The following FBXL17 variants were observed in gnomAD, a reference collection of about 807,000 sequenced individuals.
FBXL17 encodes F-box/LRR-repeat protein 17.
FBXL17 carries 22 observed loss-of-function variants against 66.2 expected under a neutral mutation model. The observed-to-expected ratio is 0.33, with a 90% CI of 0.24 to 0.47. The LOEUF (loss-of-function observed/expected upper bound fraction) is 0.47, where lower values mean the gene tolerates loss of function less well. FBXL17 is among the 20% of genes least tolerant of loss of function. The pLI is 1.00. For synonymous variants in FBXL17, 474 were observed against 400.5 expected (o/e 1.18, Z -2.19); for missense variants, 878 against 948.2 (o/e 0.93, Z 0.97).
chr5:108,357,666 C>A (rs910394922), intron 3 of FBXL17, among the ~76,000 whole-genome samples: 1 of 151,372 alleles, frequency 6.6e-6, no homozygotes, highest in African/African-American at 2.4e-5. Context: ...AAATAAAAAT[C>A]GATTACAGGA....
In FBXL17 at chr5:108,112,453, G is replaced by C. The variant is rs540340702; in HGVS notation, c.1745+73664C>G. Among the ~76,000 whole-genome samples the C allele has an allele frequency of 5.9e-5, 9 of 152,254 alleles. No homozygotes were observed. In the South Asian group the frequency reaches 1.9e-3, roughly 32 times the overall value. The stretch of plus-strand genomic sequence containing the variant: ...CTGTTCAGGATTTACCCATCAAACT[G>C]TGCCCAAGTAACTTTAATTCTTCCC... On this transcript the variant is annotated intron_variant, in intron 6 of 8. Transcript: ENST00000542267.
intron 6 of FBXL17, among the ~76,000 whole-genome samples, chr5:108,092,096 T>G (rs1749207438): frequency 6.6e-6 from 1 of 152,202 alleles, no homozygotes; most frequent in Admixed American, 6.5e-5. Flanking sequence ...ATACTAAAAC[T>G]TAATGGACTG....
At chr5:108,331,355 T>A (rs772056336) in intron 4 of FBXL17, among the ~76,000 whole-genome samples, 7 of 152,182 alleles carry the variant, frequency 4.6e-5, no homozygotes, top group Non-Finnish European at 1.0e-4. Flanking sequence ...CCATCTGTAG[T>A]GAAAGCAAAT....
intron 1 of FBXL17, among the ~76,000 whole-genome samples, chr5:108,368,342 T>C (rs952165984): frequency 1.3e-5 from 2 of 152,088 alleles, no homozygotes; most frequent in Admixed American, 1.3e-4. Flanking sequence ...CTTGAGATTA[T>C]TCTGAAGTTT....
At chr5:107,901,623 T>C (rs947482099) in intron 7 of FBXL17, among the ~76,000 whole-genome samples, 9 of 152,142 alleles carry the variant, frequency 5.9e-5, no homozygotes, top group Non-Finnish European at 1.2e-4. Flanking sequence ...AATATACTTC[T>C]CCTCCGTAAA....
At chr5:108,115,291 A>G (rs1750199258) in intron 6 of FBXL17, among the ~76,000 whole-genome samples, 1 of 152,174 alleles carries the variant, frequency 6.6e-6, no homozygotes, top group Non-Finnish European at 1.5e-5. Flanking sequence ...TGTTTTTTTA[A>G]GCCTAAGTCA....
intron 4 of FBXL17, among the ~76,000 whole-genome samples, chr5:108,280,104 C>G (rs1757643940): frequency 6.6e-6 from 1 of 151,950 alleles, no homozygotes; most frequent in Non-Finnish European, 1.5e-5. Context: ...TTTAGACAAC[C>G]AGATACAGGA....
At chr5:108,317,804 T>C (rs1759440358) in intron 4 of FBXL17, among the ~76,000 whole-genome samples, 1 of 151,522 alleles carries the variant, frequency 6.6e-6, no homozygotes, top group Admixed American at 6.6e-5. Context: ...TGGAACAGTA[T>C]TCTTTAGTGT....
At chr5:108,234,845 A>T (rs2150091111) in intron 4 of FBXL17, among the ~76,000 whole-genome samples, 1 of 152,336 alleles carries the variant, frequency 6.6e-6, no homozygotes, top group South Asian at 2.1e-4. Flanking sequence ...AATCCAAGGA[A>T]GCAGTTTTAT....
At chr5:108,023,823 A>G (rs2112769834) in intron 6 of FBXL17, among the ~76,000 whole-genome samples, 1 of 152,294 alleles carries the variant, frequency 6.6e-6, no homozygotes, top group Middle Eastern at 3.4e-3. Context: ...GTTAAGAGGC[A>G]TTTATAAACT....
At chr5:107,939,338 G>A (rs1000934223) in intron 7 of FBXL17, among the ~76,000 whole-genome samples, 5 of 151,980 alleles carry the variant, frequency 3.3e-5, no homozygotes, top group African/African-American at 7.3e-5. Flanking sequence ...GACAATCCTC[G>A]TGCTTCTGGG....
rs1748778335 is a variant in FBXL17 at position 107,881,177 on chromosome 5, G to A, written c.1825C>T (p.Leu609=). 6.3e-7 allele frequency: 1 copy of A among 1,594,320 alleles called. No homozygotes were observed. The highest frequency in any genetic ancestry group is 1.1e-5 in the South Asian group (1 of 88,502). The change falls in exon 8 of 9, where the codon CTG becomes TTG. Residue 609 remains leucine (L), a splice_region_variant and synonymous_variant. Transcript: ENST00000542267. The stretch of plus-strand genomic sequence containing the variant: ...ATGCTGTATCGCCCAATGGCTATCA[G>A]TGCTGCAAGAAGGGACGCAGAGAAA... ...LVSCKITDYA[L]IAIGRYSMTI...
intron 6 of FBXL17, among the ~76,000 whole-genome samples, chr5:108,167,123 C>A (rs1752442736): frequency 6.6e-6 from 1 of 151,994 alleles, no homozygotes; most frequent in Non-Finnish European, 1.5e-5. Flanking sequence ...AATCTGAAAA[C>A]AGATAGTATA....
intron 3 of FBXL17, among the ~76,000 whole-genome samples, chr5:108,356,943 C>T (rs1748036301): frequency 1.3e-5 from 2 of 151,934 alleles, no homozygotes; most frequent in Admixed American, 6.6e-5. Flanking sequence ...AGGAAATATG[C>T]AAAATTTCTC....
intron 5 of FBXL17, among the ~76,000 whole-genome samples, chr5:108,195,261 G>T (rs1299941694): frequency 6.6e-6 from 1 of 151,980 alleles, no homozygotes; most frequent in African/African-American, 2.4e-5. Context: ...AGGGAGGGAA[G>T]ATGGGTGTAA....
chr5:108,326,866 C>T (rs1472050117), intron 4 of FBXL17, among the ~76,000 whole-genome samples: 3 of 152,096 alleles, frequency 2.0e-5, no homozygotes, highest in Non-Finnish European at 2.9e-5. Flanking sequence ...TCAAACATTG[C>T]TAGCAGGAGT....
At chr5:107,951,985 C>T (rs73780464) in intron 7 of FBXL17, among the ~76,000 whole-genome samples, 3,769 of 152,240 alleles carry the variant, frequency 0.025, 147 homozygotes, top group African/African-American at 0.083. Flanking sequence ...TGTCCCAAAA[C>T]AGTAAATTCT....
At chr5:108,180,000 G>A (rs40066) in intron 6 of FBXL17, among the ~76,000 whole-genome samples, 115,507 of 152,052 alleles carry the variant, frequency 0.76, 44,398 homozygotes, top group East Asian at 0.93. Context: ...GAATGTTGAC[G>A]TAAGAAAATG....
intron 4 of FBXL17, among the ~76,000 whole-genome samples, chr5:108,314,424 AAGTC>A (rs2150205022): frequency 6.6e-6 from 1 of 151,732 alleles, no homozygotes; most frequent in East Asian, 1.9e-4. Context: ...ACTATCCCAT[AAGTC>A]AGTTTAGAAA....
Sources: allele counts gnomAD v4.1 joint callset (sites outside exome capture counted in the v4.1 genomes callset), GRCh38; gene constraint gnomAD v4.1.1; transcripts MANE v1.5; gene names NCBI Gene and HGNC (gene_info 2026-07-23, HGNC 2026-07-21).